Variants in CDYL2 observed in about 807,000 individuals in gnomAD.
CDYL2 encodes the protein chromodomain Y like 2.
Under a neutral mutation model 49.4 loss-of-function variants are expected in CDYL2, and 23 were observed. The observed-to-expected ratio is 0.47, with a 90% CI of 0.34 to 0.66. The LOEUF (loss-of-function observed/expected upper bound fraction) is 0.66, where lower values mean the gene tolerates loss of function less well. Ranked by LOEUF, CDYL2 falls within the 30% of genes least tolerant of loss-of-function variation. The pLI is 0.01. For synonymous variants in CDYL2, 360 were observed against 268.8 expected, an observed-to-expected ratio of 1.34 and a Z score of -3.32; for missense variants, 678 against 656.4, an observed-to-expected ratio of 1.03 and a Z score of -0.36.
intron 1 of CDYL2, among the ~76,000 whole-genome samples, chr16:80,728,671 G>A (rs2056599608): frequency 6.6e-6 from 1 of 152,122 alleles, no homozygotes; most frequent in African/African-American, 2.4e-5. Flanking sequence ...TGAAATGAAG[G>A]AAAAAATGTT....
intron 1 of CDYL2, among the ~76,000 whole-genome samples, chr16:80,753,207 G>A (rs1352464719): frequency 6.6e-6 from 1 of 151,426 alleles, no homozygotes; most frequent in African/African-American, 2.4e-5. Flanking sequence ...TTAGAAAGAG[G>A]ACAATGTAGT....
chr16:80,748,783 T>C (rs2142560478), intron 1 of CDYL2, among the ~76,000 whole-genome samples: 1 of 152,226 alleles, frequency 6.6e-6, no homozygotes, highest in Admixed American at 6.5e-5. Context: ...AGTTGATCCC[T>C]GTCCTTGAGC....
chr16:80,617,586 A>G (rs1248478085), intron 4 of CDYL2, among the ~76,000 whole-genome samples: 2 of 152,148 alleles, frequency 1.3e-5, no homozygotes. Flanking sequence ...CCTCCAAGGC[A>G]GCACTCCCGA....
chr16:80,724,852 T>G (rs1281688048), intron 1 of CDYL2, among the ~76,000 whole-genome samples: 1 of 152,200 alleles, frequency 6.6e-6, no homozygotes, highest in African/African-American at 2.4e-5. Context: ...TTGTCTACAG[T>G]CTTGACCCAT....
chr16:80,768,616 A>G (rs567812447), intron 1 of CDYL2, among the ~76,000 whole-genome samples: 49 of 152,230 alleles, frequency 3.2e-4, no homozygotes, highest in African/African-American at 1.2e-3. Context: ...AATCCCATCT[A>G]TGTGGGCCCA....
intron 3 of CDYL2, among the ~76,000 whole-genome samples, chr16:80,630,850 T>G (rs1166280113): frequency 1.3e-5 from 2 of 152,000 alleles, no homozygotes; most frequent in African/African-American, 4.8e-5. Flanking sequence ...GCACAGCACC[T>G]CCCTCCCCAC....
chr16:80,795,058 T>G, intron 1 of CDYL2, among the ~76,000 whole-genome samples: 1 of 152,220 alleles, frequency 6.6e-6, no homozygotes, highest in East Asian at 1.9e-4. Flanking sequence ...GGCATTTGTA[T>G]AAGTTCCCAT....
At chr16:80,642,419 G>T (rs549906950) in intron 2 of CDYL2, among the ~76,000 whole-genome samples, 3 of 152,152 alleles carry the variant, frequency 2.0e-5, no homozygotes, top group Non-Finnish European at 4.4e-5. Flanking sequence ...TCTAGCCTGG[G>T]TTAACGGAGC....
At chr16:80,661,822 C>A (rs1040709325) in intron 2 of CDYL2, among the ~76,000 whole-genome samples, 6 of 152,144 alleles carry the variant, frequency 3.9e-5, no homozygotes, top group African/African-American at 1.4e-4. Context: ...GCTTGAAGAC[C>A]CTACCAGACT....
chr16:80,719,026 C>A (rs1387321811), intron 1 of CDYL2, among the ~76,000 whole-genome samples: 1 of 152,152 alleles, frequency 6.6e-6, no homozygotes, highest in Non-Finnish European at 1.5e-5. Flanking sequence ...CTTAACGCTC[C>A]CAGAGAATTG....
chr16:80,746,788 G>C (rs562793979), intron 1 of CDYL2, among the ~76,000 whole-genome samples: 1 of 151,954 alleles, frequency 6.6e-6, no homozygotes, highest in Non-Finnish European at 1.5e-5. Flanking sequence ...CACTCACTAG[G>C]ACACTGTGCT....
intron 1 of CDYL2, among the ~76,000 whole-genome samples, chr16:80,747,063 A>C (rs1028366456): frequency 6.6e-6 from 1 of 152,176 alleles, no homozygotes; most frequent in African/African-American, 2.4e-5. Flanking sequence ...GCTGCCATTT[A>C]TCATCATCTG....
Position 80,608,171 on chromosome 16 carries a change from A to G in CDYL2, c.1283T>C (p.Val428Ala). Residue 428 changes from valine (V) to alanine (A), a missense_variant, in exon 6 of 7, where the codon GTG becomes GCG. Val to Ala is a moderately conservative substitution (Grantham distance 64). This residue lies in a region of CDYL2 where 153 missense variants were observed against 150.6 expected (regional missense o/e 1.02). Transcript: ENST00000570137. ...TAQEACSRGL[V>A]SQVFWPTTFS... ...CGTGGTGGGCCAGAAGACCTGCGAC[A>G]CCAGCCCCCTGCTGCAGGCCTCCTG... is the stretch of plus-strand genomic sequence containing the variant. 3.1e-6 allele frequency: 5 copies of G among 1,604,142 alleles called. No individual in the cohort carries two copies. Among genetic ancestry groups the G allele is most frequent in the Non-Finnish European group, 4.3e-6 (5 of 1,175,568 alleles).
chr16:80,685,527 A>G (rs1483479766), intron 1 of CDYL2, among the ~76,000 whole-genome samples: 1 of 152,170 alleles, frequency 6.6e-6, no homozygotes, highest in East Asian at 1.9e-4. Context: ...CTTCATCCTT[A>G]TTTATAATAA....
At chr16:80,642,850 G>C (rs1038308839) in intron 2 of CDYL2, among the ~76,000 whole-genome samples, 1 of 152,022 alleles carries the variant, frequency 6.6e-6, no homozygotes, top group African/African-American at 2.4e-5. Flanking sequence ...GGGAATTATG[G>C]GAGTACAATT....
intron 1 of CDYL2, among the ~76,000 whole-genome samples, chr16:80,764,517 C>T (rs1906645698): frequency 1.3e-5 from 2 of 152,086 alleles, no homozygotes; most frequent in Non-Finnish European, 2.9e-5. Context: ...AAGAGACAAT[C>T]ATTATCAATA....
At chr16:80,748,125 T>A (rs1567593793) in intron 1 of CDYL2, among the ~76,000 whole-genome samples, 1 of 23,994 alleles carries the variant, frequency 4.2e-5, no homozygotes, top group East Asian at 7.0e-4. Context: ...GAAGATTAAA[T>A]AATAATAATA....
chr16:80,732,330 A>G (rs1005923258), intron 1 of CDYL2, among the ~76,000 whole-genome samples: 1 of 152,264 alleles, frequency 6.6e-6, no homozygotes, highest in African/African-American at 2.4e-5. Context: ...GGGTTCGGTG[A>G]CATATGGTAT....
At chr16:80,681,449 G>A (rs544727577) in intron 2 of CDYL2, among the ~76,000 whole-genome samples, 24 of 152,282 alleles carry the variant, frequency 1.6e-4, no homozygotes, top group Admixed American at 1.4e-3. Flanking sequence ...ATGGAAACAC[G>A]TTTTGCTGGA....
Sources: allele counts gnomAD v4.1 joint callset (sites outside exome capture counted in the v4.1 genomes callset), GRCh38; gene constraint gnomAD v4.1.1; regional missense constraint gnomAD v4.1.1; transcripts MANE v1.5; gene names NCBI Gene and HGNC (gene_info 2026-07-23, HGNC 2026-07-21).